The following SHROOM3 variants were observed in gnomAD, a reference collection of about 807,000 sequenced individuals.
SHROOM3 encodes protein Shroom3.
In SHROOM3, 47 loss-of-function variants were observed where a neutral mutation model predicts 138.6. The observed-to-expected ratio is 0.34, with a 90% CI of 0.27 to 0.43. The LOEUF (loss-of-function observed/expected upper bound fraction) is 0.43, where lower values mean the gene tolerates loss of function less well. Among genes scored for constraint, SHROOM3 ranks in the 20% least tolerant of loss-of-function variants. SHROOM3 has a pLI of 1.00. For missense variants in SHROOM3, 2,491 were observed against 2,596.5 expected, an observed-to-expected ratio of 0.96 and a Z score of 0.88; for synonymous variants, 1,062 against 1,063.3, an observed-to-expected ratio of 1.00 and a Z score of 0.02.
intron 9 of SHROOM3, among the ~76,000 whole-genome samples, chr4:76,764,646 C>T (rs897877011): frequency 3.9e-5 from 6 of 152,204 alleles, no homozygotes; most frequent in African/African-American, 1.4e-4. Context: ...TGAGTTGACT[C>T]TTTTCTTTCA....
chr4:76,477,125 G>A (rs1157641306), intron 1 of SHROOM3, among the ~76,000 whole-genome samples: 2 of 151,888 alleles, frequency 1.3e-5, no homozygotes, highest in African/African-American at 4.8e-5. Flanking sequence ...CCACCACCAC[G>A]CCCGGCTAAT....
intron 1 of SHROOM3, among the ~76,000 whole-genome samples, chr4:76,486,502 A>G (rs920556968): frequency 6.6e-6 from 1 of 152,220 alleles, no homozygotes; most frequent in Non-Finnish European, 1.5e-5. Flanking sequence ...ACTGATATCT[A>G]TATCCCAATC....
chr4:76,591,513 C>T (rs1264506059), intron 2 of SHROOM3, among the ~76,000 whole-genome samples: 1 of 152,134 alleles, frequency 6.6e-6, no homozygotes. Flanking sequence ...TGATTTCTGA[C>T]TATTATTACA....
At chr4:76,751,930 C>T (rs1436848826) in intron 6 of SHROOM3, among the ~76,000 whole-genome samples, 1 of 152,142 alleles carries the variant, frequency 6.6e-6, no homozygotes, top group Non-Finnish European at 1.5e-5. Flanking sequence ...ATAGAACTAC[C>T]ATATGATCTG....
chr4:76,781,602 A>G lies in SHROOM3; in HGVS notation c.*2425A>G, dbSNP rs555085863. 1 of 152,222 alleles carries G rather than the reference A, an allele frequency of 6.6e-6. No homozygotes were observed. The highest frequency in any genetic ancestry group is 1.5e-5 in the Non-Finnish European group (1 of 68,036). The allele number at this position is 152,222 out of a possible 1,614,324, so 9.4% of individuals were successfully genotyped here. ...TGAAATGGGTAAGGCACCAAGTGAG[A>G]CTTTGAAATCTAATTTTTAGGTGGA... On this transcript the variant is annotated 3_prime_UTR_variant, in exon 11 of 11. Transcript: ENST00000296043.
chr4:76,548,832 C>T (rs561788969), intron 1 of SHROOM3, among the ~76,000 whole-genome samples: 2 of 152,194 alleles, frequency 1.3e-5, no homozygotes, highest in African/African-American at 2.4e-5. Flanking sequence ...CTCCAATGTG[C>T]GGATATACAC....
At chr4:76,526,831 G>A (rs1456315737) in intron 1 of SHROOM3, among the ~76,000 whole-genome samples, 2 of 152,164 alleles carry the variant, frequency 1.3e-5, no homozygotes, top group Non-Finnish European at 2.9e-5. Flanking sequence ...TGCCAGCCCT[G>A]ATGTCTATGA....
intron 2 of SHROOM3, among the ~76,000 whole-genome samples, chr4:76,666,100 G>A (rs1187967786): frequency 2.6e-5 from 4 of 152,172 alleles, no homozygotes; most frequent in Admixed American, 2.6e-4. Flanking sequence ...AGGAAAATCT[G>A]GGGTTAAAGT....
intron 1 of SHROOM3, among the ~76,000 whole-genome samples, chr4:76,501,852 A>T (rs1264278725): frequency 2.0e-5 from 3 of 152,106 alleles, no homozygotes; most frequent in Admixed American, 1.3e-4. Context: ...ACCTCGCCCT[A>T]TGTATCTTTT....
Position 76,775,078 on chromosome 4 carries a change from C to T in SHROOM3, c.5623-3731C>T, listed in dbSNP as rs188319450. ...TCACCCGAGCACTGTACACTGTACC[C>T]GATGTGTAGTCTTTTATCCCTCACC... On this transcript the variant is annotated intron_variant, in intron 10 of 10. Transcript: ENST00000296043. 6.6e-5 allele frequency among the ~76,000 whole-genome samples: 10 copies of T among 152,074 alleles called. No homozygotes were observed. In the East Asian group the frequency reaches 7.7e-4, roughly 12 times the overall value.
chr4:76,548,267 A>G (rs1452884626), intron 1 of SHROOM3, among the ~76,000 whole-genome samples: 1 of 149,710 alleles, frequency 6.7e-6, no homozygotes, highest in African/African-American at 2.5e-5. Context: ...AGCAGCAGGG[A>G]GGTCAAATCC....
At chr4:76,649,000 T>C (rs1388442549) in intron 2 of SHROOM3, among the ~76,000 whole-genome samples, 1 of 152,148 alleles carries the variant, frequency 6.6e-6, no homozygotes, top group Non-Finnish European at 1.5e-5. Context: ...TTAAGACAAA[T>C]GAACTTTAAA....
rs3821979 is a variant in SHROOM3, at chr4:76,710,272, T to G, written c.440T>G (p.Leu147Arg). The change falls in exon 3 of 11, where the codon CTT becomes CGT. Residue 147 changes from leucine (L) to arginine (R), a missense_variant. By Grantham distance (102) the Leu-to-Arg change is moderately radical. Around this residue, in one of 4 missense-constraint regions of SHROOM3, gnomAD observed 284 missense variants for 322.8 expected, o/e 0.88. Coordinates refer to ENST00000296043, the MANE Select transcript of SHROOM3 (RefSeq NM_020859.4). Reference protein sequence around the residue: ...RKAAWSGGVKLRLKHRRSEPA... With the variant: ...RKAAWSGGVKRRLKHRRSEPA... ...GCAGCGTGGTCAGGAGGGGTTAAAC[T>G]TCGGCTGAAGCACAGGTAAGACGCA... 2 of 1,613,806 alleles carry G rather than the reference T, an allele frequency of 1.2e-6. No homozygotes were observed. The highest frequency in any genetic ancestry group is 2.2e-5 in the South Asian group (2 of 91,060).
chr4:76,775,079 G>A (rs1238476726), intron 10 of SHROOM3, among the ~76,000 whole-genome samples: 7 of 152,006 alleles, frequency 4.6e-5, no homozygotes, highest in Admixed American at 1.3e-4. Context: ...CACTGTACCC[G>A]ATGTGTAGTC....
rs68039696 is a variant in SHROOM3 at position 76,620,070 on chromosome 4, CAAAAAAA to C, written c.323+64324_323+64330del. ...TGGGCAACAGAACAGGAATCTATCT[CAAAAAAA>C]AAAAAAAAAAAAAAAAGAAGAAAAG... On this transcript the variant is annotated intron_variant, in intron 2 of 10. Coordinates refer to ENST00000296043, the MANE Select transcript of SHROOM3 (RefSeq NM_020859.4). Among the ~76,000 whole-genome samples the C allele has an allele frequency of 9.3e-4, 57 of 61,104 alleles. No homozygotes were observed. The East Asian group carries it at 0.01, about 11-fold the overall frequency. 40.1% of individuals were successfully genotyped at this position (61,104 alleles called of 152,430 possible).
At chr4:76,716,206 T>C in intron 3 of SHROOM3, 1 of 447,008 alleles carries the variant, frequency 2.2e-6, no homozygotes, top group South Asian at 1.7e-5. Flanking sequence ...GCATTGAGAG[T>C]CCCTCCCACT....
chr4:76,698,769 C>T (rs1237983268), intron 2 of SHROOM3, among the ~76,000 whole-genome samples: 6 of 152,186 alleles, frequency 3.9e-5, no homozygotes, highest in African/African-American at 1.4e-4. Flanking sequence ...GGCAGCTCCT[C>T]TAGGTTAATT....
intron 2 of SHROOM3, among the ~76,000 whole-genome samples, chr4:76,659,634 T>G (rs1370343746): frequency 1.3e-5 from 2 of 152,220 alleles, no homozygotes; most frequent in Non-Finnish European, 2.9e-5. Flanking sequence ...CAGGCTGAAG[T>G]GCTGTGGCAT....
chr4:76,455,263 A>G (rs1422087821), intron 1 of SHROOM3, among the ~76,000 whole-genome samples: 1 of 152,110 alleles, frequency 6.6e-6, no homozygotes, highest in Non-Finnish European at 1.5e-5. Flanking sequence ...TGAGTCTGAT[A>G]ATAGGTGTGG....
Sources: gnomAD v4.1 joint callset for allele counts (sites outside exome capture counted in the v4.1 genomes callset) on GRCh38, gnomAD v4.1.1 for gene constraint, gnomAD v4.1.1 regional missense constraint, MANE v1.5 for transcripts, NCBI Gene and HGNC (gene_info 2026-07-23, HGNC 2026-07-21) for gene names.